Variants in MYO7B observed in about 807,000 individuals in gnomAD.
MYO7B encodes the protein myosin VIIB, also known as unconventional myosin-VIIb.
A neutral mutation model predicts 259.7 loss-of-function variants in MYO7B; 212 were observed. That is an observed-to-expected ratio of 0.82 (90% CI 0.73 to 0.91). The LOEUF (loss-of-function observed/expected upper bound fraction) is 0.91, where lower values mean the gene tolerates loss of function less well. MYO7B is among the 40% of genes least tolerant of loss of function. MYO7B has a pLI of 0.00. For synonymous variants in MYO7B, 1,197 were observed against 1,166.4 expected (o/e 1.03, Z -0.54); for missense variants, 2,732 against 2,813.5 (o/e 0.97, Z 0.66).
intron 31 of MYO7B, among the ~76,000 whole-genome samples, chr2:127,625,745 C>A (rs931208857): frequency 1.3e-5 from 2 of 152,198 alleles, no homozygotes; most frequent in Non-Finnish European, 2.9e-5. Flanking sequence ...CCCATGCCAC[C>A]TTCTTCCTTC....
At position 127,580,778 on chromosome 2, in the gene MYO7B, G is replaced by T; in HGVS notation, c.1036G>T (p.Val346Leu). The change falls in exon 10 of 48, where the codon GTG (valine) becomes TTG (leucine). Residue 346 changes from valine to leucine, a missense_variant. By Grantham distance (32) the Val-to-Leu change is conservative (BLOSUM62 1). Coordinates refer to ENST00000409816, the MANE Select transcript of MYO7B (RefSeq NM_001393586.1). ...SVFENLDASD[V>L]METPAFPTVM... ...CTTCGAGAACCTGGACGCCTCAGAC[G>T]TGATGGAGACGCCCGCCTTTCCCAC... 6.2e-7 allele frequency: 1 copy of T among 1,613,602 alleles called. No individual in the cohort carries two copies. The highest frequency in any genetic ancestry group is 8.5e-7 in the Non-Finnish European group (1 of 1,179,782).
chr2:127,617,664 G>A (rs112600223), intron 26 of MYO7B, among the ~76,000 whole-genome samples: 1,507 of 149,268 alleles, frequency 0.01, 31 homozygotes, highest in African/African-American at 0.035. Context: ...CACCGCGCCC[G>A]GCTAATTTTT....
chr2:127,587,464 C>A (rs901752794), intron 14 of MYO7B, among the ~76,000 whole-genome samples: 2 of 152,058 alleles, frequency 1.3e-5, no homozygotes, highest in Non-Finnish European at 2.9e-5. Flanking sequence ...CTTCTGAGGC[C>A]TCTCTCCTTT....
rs1378566982 is a variant in MYO7B, at chr2:127,636,942, G to A, written c.6327+29G>A. On this transcript the variant is annotated intron_variant, in intron 47 of 47. Coordinates refer to ENST00000409816, the MANE Select transcript of MYO7B (RefSeq NM_001393586.1). The surrounding 1 kb of genome is among the most constrained non-coding windows in gnomAD (Gnocchi z 4.5). The stretch of plus-strand genomic sequence containing the variant: ...AGCTCAGGTTCTTTCTCCCATCCAA[G>A]ATGCATAGGACAGAGCTGCTGGAGA... 6.2e-7 allele frequency: 1 copy of A among 1,606,826 alleles called. No homozygotes were observed. Among genetic ancestry groups the A allele is most frequent in the Non-Finnish European group, 8.5e-7 (1 of 1,179,776 alleles).
chr2:127,589,899 G>C (rs1434244159), intron 15 of MYO7B, among the ~76,000 whole-genome samples, 193 bp from the exon 16 acceptor site: 1 of 145,422 alleles, frequency 6.9e-6, no homozygotes, highest in Non-Finnish European at 1.5e-5. Context: ...TGTGTGAGTG[G>C]ATGGGTGAAG....
At chr2:127,536,467 T>TGGGGGGGGGGGGG (rs70985465) in intron 1 of MYO7B, among the ~76,000 whole-genome samples, 1 of 105,800 alleles carries the variant, frequency 9.5e-6, no homozygotes, top group Non-Finnish European at 2.0e-5. Flanking sequence ...TGGGGTGTGG[T>TGGGGGGGGGGGGG]GGGGGGGGGG....
chr2:127,588,236 G>A (rs1679377855), intron 14 of MYO7B, among the ~76,000 whole-genome samples, 156 bp from the exon 15 acceptor site: 1 of 152,178 alleles, frequency 6.6e-6, no homozygotes, highest in Non-Finnish European at 1.5e-5. Context: ...TGGGGGCCAT[G>A]CCTGGGTAGA....
In MYO7B at chr2:127,614,638, T is replaced by A. The variant is rs1680504489; in HGVS notation, c.3398+2035T>A. On this transcript the variant is annotated intron_variant, in intron 26 of 47. Transcript: ENST00000409816. This position sits in a 1 kb window ranked among gnomAD's most constrained non-coding sequence, Gnocchi z 4.6. ...CTTCTGGAGCTCAGCAGGCATCAGA[T>A]GGGGAGTGACATGGGTCTCTTCTCT... is the stretch of plus-strand genomic sequence containing the variant. Among the ~76,000 whole-genome samples, 2 of 152,156 alleles carry A rather than the reference T, an allele frequency of 1.3e-5. No homozygotes were observed. The highest frequency in any genetic ancestry group is 4.1e-4 in the South Asian group (2 of 4,830).
In MYO7B at chr2:127,636,149, A is replaced by G; in HGVS notation, c.6007-59A>G. ...CCTGGGGTAGGCAGGTGCTGCCCCC[A>G]CCAGGGCTTTGGAGGGCCTCTGGGC... On this transcript the variant is annotated intron_variant, in intron 44 of 47. Transcript: ENST00000409816. This position sits in a 1 kb window ranked among gnomAD's most constrained non-coding sequence, Gnocchi z 4.5. 1 of 1,399,354 alleles carries G rather than the reference A, an allele frequency of 7.1e-7. No individual in the cohort carries two copies. Among genetic ancestry groups the G allele is most frequent in the South Asian group, 1.2e-5 (1 of 83,228 alleles). The allele number at this position is 1,399,354 out of a possible 1,614,324, so 86.7% of individuals were successfully genotyped here. A position where few individuals can be genotyped will look rare whatever the true frequency, so the allele number is the denominator to read the frequency against.
rs940401747 is a variant in MYO7B, at chr2:127,615,709, T to C, written c.3398+3106T>C. Among the ~76,000 whole-genome samples the C allele has an allele frequency of 2.6e-5, 4 of 151,992 alleles. No homozygotes were observed. The highest frequency in any genetic ancestry group is 9.7e-5 in the African/African-American group (4 of 41,380). ...CTGCTTTTATGAGAACAGTTTGCTG[T>C]TTGCTCATATAGCCTCCAGTGGTAT... is the stretch of plus-strand genomic sequence containing the variant. On this transcript the variant is annotated intron_variant, in intron 26 of 47. Coordinates refer to ENST00000409816, the MANE Select transcript of MYO7B (RefSeq NM_001393586.1). This position sits in a 1 kb window ranked among gnomAD's most constrained non-coding sequence, Gnocchi z 4.4.
chr2:127,565,304 C>CGACATGATCCGCCTGGGG lies in MYO7B; in HGVS notation c.208_225dup (p.Met70_Asp75dup), dbSNP rs1678285469. The CGACATGATCCGCCTGGGG allele has an allele frequency of 6.2e-7, 1 of 1,613,890 alleles. No homozygotes were observed. Among genetic ancestry groups the CGACATGATCCGCCTGGGG allele is most frequent in the Non-Finnish European group, 8.5e-7 (1 of 1,179,888 alleles). ...ACCCCAACTCAGTCCAGGGTGTGGA[C>CGACATGATCCGCCTGGGG]GACATGATCCGCCTGGGGGACCTGA... On this transcript the variant is annotated inframe_insertion, in exon 4 of 48. Coordinates refer to ENST00000409816, the MANE Select transcript of MYO7B (RefSeq NM_001393586.1).
At chr2:127,550,153 G>A (rs1323913024) in intron 1 of MYO7B, among the ~76,000 whole-genome samples, 2 of 152,098 alleles carry the variant, frequency 1.3e-5, no homozygotes, top group Non-Finnish European at 2.9e-5. Context: ...CAGGATTCAC[G>A]AGCTTCTCAT....
At chr2:127,593,095 C>T (rs911471874) in intron 17 of MYO7B, 149 bp downstream of exon 17, 1 of 1,073,584 alleles carries the variant, frequency 9.3e-7, no homozygotes, top group Non-Finnish European at 1.3e-6. Context: ...CCTCTCTCCT[C>T]CTCCCACCCT....
At chr2:127,632,076 G>A (rs566749807) in intron 38 of MYO7B, among the ~76,000 whole-genome samples, 170 bp from the exon 39 acceptor site, 4 of 152,362 alleles carry the variant, frequency 2.6e-5, no homozygotes, top group East Asian at 3.9e-4. Context: ...GTGAAAGCCC[G>A]TGGCATCGGG....
chr2:127,619,502 C>G (rs1046849486), intron 26 of MYO7B, among the ~76,000 whole-genome samples: 3 of 152,040 alleles, frequency 2.0e-5, no homozygotes, highest in African/African-American at 4.8e-5. Flanking sequence ...GATGGCGATG[C>G]CTGTAGACCA....
intron 1 of MYO7B, among the ~76,000 whole-genome samples, chr2:127,554,268 T>C (rs1693556089): frequency 6.6e-6 from 1 of 152,100 alleles, no homozygotes; most frequent in Non-Finnish European, 1.5e-5. Flanking sequence ...GAGACAGGGT[T>C]TCTCCATGTT....
intron 1 of MYO7B, among the ~76,000 whole-genome samples, chr2:127,542,559 A>G (rs1402044321): frequency 6.6e-6 from 1 of 152,198 alleles, no homozygotes; most frequent in Non-Finnish European, 1.5e-5. Context: ...TAACAAATGC[A>G]TACTATGGAT....
intron 26 of MYO7B, among the ~76,000 whole-genome samples, chr2:127,618,339 T>C (rs1160343163): frequency 6.6e-6 from 1 of 152,120 alleles, no homozygotes; most frequent in African/African-American, 2.4e-5. Context: ...GGCTCCCTAC[T>C]CCTAGTAAGC....
chr2:127,559,918 A>G lies in MYO7B; in HGVS notation c.18+178A>G, dbSNP rs1357083989. On this transcript the variant is annotated intron_variant, in intron 2 of 47. Transcript: ENST00000409816. The surrounding 1 kb of genome is among the most constrained non-coding windows in gnomAD (Gnocchi z 4.1). ...CTAAAGAAAACAAGTTTGGCCAGCC[A>G]CTGGCCTCGGCAATACATGTATAGT... 6.6e-6 allele frequency among the ~76,000 whole-genome samples: 1 copy of G among 152,116 alleles called. No homozygotes were observed. Among genetic ancestry groups the G allele is most frequent in the African/African-American group, 2.4e-5 (1 of 41,454 alleles).
Sources: allele counts gnomAD v4.1 joint callset (sites outside exome capture counted in the v4.1 genomes callset), GRCh38; gene constraint gnomAD v4.1.1; non-coding constraint Gnocchi (gnomAD v3.1); transcripts MANE v1.5; gene names NCBI Gene and HGNC (gene_info 2026-07-23, HGNC 2026-07-21).